GIPC1: variants seen among roughly 807,000 people sequenced by gnomAD.
GIPC1 encodes the protein GIPC PDZ domain containing family member 1.
A neutral mutation model predicts 28.5 loss-of-function variants in GIPC1; 15 were observed. That is an observed-to-expected ratio of 0.53 (90% CI 0.35 to 0.81). The LOEUF is 0.81. GIPC1 is among the 30% of genes least tolerant of loss of function. The pLI is 0.01. For missense variants in GIPC1, 439 were observed against 481.9 expected (o/e 0.91, Z 0.83); for synonymous variants, 224 against 206.1 (o/e 1.09, Z -0.74).
At chr19:14,489,112 C>T (rs557048168) in intron 3 of GIPC1, among the ~76,000 whole-genome samples, 2 of 151,826 alleles carry the variant, frequency 1.3e-5, no homozygotes, top group East Asian at 3.9e-4. Flanking sequence ...TTTGTAGAGA[C>T]GGGTCTCACT....
intron 3 of GIPC1, among the ~76,000 whole-genome samples, chr19:14,484,659 T>C (rs985227220): frequency 3.3e-5 from 5 of 151,852 alleles, no homozygotes; most frequent in African/African-American, 1.2e-4. Context: ...GGCAGGAGAA[T>C]TGCCTGAAAC....
At chr19:14,481,271 T>C (rs750522795) in intron 4 of GIPC1, among the ~76,000 whole-genome samples, 1 of 152,020 alleles carries the variant, frequency 6.6e-6, no homozygotes, top group Non-Finnish European at 1.5e-5. Context: ...CACACCCACA[T>C]AGTTAAAATA....
intron 3 of GIPC1, among the ~76,000 whole-genome samples, chr19:14,486,414 G>A (rs1405243491): frequency 6.6e-6 from 1 of 152,118 alleles, no homozygotes; most frequent in Non-Finnish European, 1.5e-5. Flanking sequence ...GATTATTTCT[G>A]GCAAATAGGT....
intron 4 of GIPC1, among the ~76,000 whole-genome samples, chr19:14,481,096 A>G (rs958313056): frequency 3.9e-5 from 6 of 152,064 alleles, no homozygotes; most frequent in African/African-American, 1.4e-4. Flanking sequence ...CAGCCTCCCA[A>G]GTAGCTGGAA....
chr19:14,485,716 G>T (rs1382557961), intron 3 of GIPC1, among the ~76,000 whole-genome samples: 191 of 67,454 alleles, frequency 2.8e-3, no homozygotes, highest in Admixed American at 3.4e-3. Context: ...GAGAGAGAGA[G>T]AGAGAGAGAG....
At chr19:14,480,904 C>CTAATG in intron 4 of GIPC1, 126 bp from the exon 5 acceptor site, 1 of 681,576 alleles carries the variant, frequency 1.5e-6, no homozygotes, top group Non-Finnish European at 2.5e-6. Context: ...TCATCACCCA[C>CTAATG]TGAGCCTGAG....
At chr19:14,484,220 T>C (rs952122810) in intron 3 of GIPC1, among the ~76,000 whole-genome samples, 18 of 151,060 alleles carry the variant, frequency 1.2e-4, no homozygotes, top group Admixed American at 5.9e-4. Context: ...CTGCAATCTC[T>C]TGCCTCCCGG....
At chr19:14,483,378 C>A (rs373843897) in intron 3 of GIPC1, 2 of 184,546 alleles carry the variant, frequency 1.1e-5, no homozygotes, top group Non-Finnish European at 2.3e-5. Flanking sequence ...ATAGCTTGAA[C>A]TGGAGAGGTG....
chr19:14,495,579 G>A (rs1384857848), intron 1 of GIPC1, among the ~76,000 whole-genome samples: 2 of 152,084 alleles, frequency 1.3e-5, no homozygotes, highest in Non-Finnish European at 2.9e-5. Flanking sequence ...TGCCTGACAC[G>A]GAAGCTCTCC....
In GIPC1 at chr19:14,482,876, G is replaced by A. The variant is rs62122612; in HGVS notation, c.101C>T (p.Pro34Leu). The A allele has an allele frequency of 6.3e-7, 1 of 1,584,520 alleles. No individual in the cohort carries two copies. The highest frequency in any genetic ancestry group is 8.6e-7 in the Non-Finnish European group (1 of 1,165,828). Reference protein sequence around the residue: ...RGGLGVGEPGPLGGGGSGGPQ... With the variant: ...RGGLGVGEPGLLGGGGSGGPQ... ...GCCCCCCGACCCACCTCCGCCCAGAGGCCCTGGCTCCCCCACGCCCAGCCC... is the reference window on the plus strand; with the variant it reads ...GCCCCCCGACCCACCTCCGCCCAGAAGCCCTGGCTCCCCCACGCCCAGCCC... The change falls in exon 4 of 9, where the codon CCT (proline) becomes CTT (leucine). Residue 34 changes from proline to leucine, a missense_variant. Coordinates refer to ENST00000393033, the MANE Select transcript of GIPC1 (RefSeq NM_005716.4).
Position 14,478,406 on chromosome 19 carries a change from G to A in GIPC1, c.*10C>T, listed in dbSNP as rs771552530. ...CGCCCGGGTCATCATCGCAGGGTCC[G>A]GGGGCAGTCCTAGTAGCGGCCGACC... On this transcript the variant is annotated 3_prime_UTR_variant, in exon 9 of 9. Coordinates refer to ENST00000393033, the MANE Select transcript of GIPC1 (RefSeq NM_005716.4). This position sits in a 1 kb window ranked among gnomAD's most constrained non-coding sequence, Gnocchi z 5.2. The A allele has an allele frequency of 1.4e-5, 23 of 1,600,968 alleles. No individual in the cohort carries two copies. Among genetic ancestry groups the A allele is most frequent in the East Asian group, 1.4e-4 (6 of 44,376 alleles).
At chr19:14,489,387 C>T (rs756937071) in intron 3 of GIPC1, 10 of 787,736 alleles carry the variant, frequency 1.3e-5, no homozygotes, top group Non-Finnish European at 1.4e-5. Context: ...GAGTATACAC[C>T]ATGAGCAAAG....
Position 14,478,827 on chromosome 19 carries a change from C to T in GIPC1, c.769-62G>A, listed in dbSNP as rs560435472. 75 of 1,214,488 alleles carry T rather than the reference C, an allele frequency of 6.2e-5. No homozygotes were observed. Among genetic ancestry groups the T allele is most frequent in the African/African-American group, 5.6e-4 (38 of 67,308 alleles). The allele number at this position is 1,214,488 out of a possible 1,614,324, so 75.2% of individuals were successfully genotyped here. A position where few individuals can be genotyped will look rare whatever the true frequency, so the allele number is the denominator to read the frequency against. On this transcript the variant is annotated intron_variant, in intron 7 of 8. Coordinates refer to ENST00000393033, the MANE Select transcript of GIPC1 (RefSeq NM_005716.4). This position sits in a 1 kb window ranked among gnomAD's most constrained non-coding sequence, Gnocchi z 5.2. ...AATGTGAATATACATAGTAATTGGACGGACTGCCATTGTCACCACTTTACA... is the reference window on the plus strand; with the variant it reads ...AATGTGAATATACATAGTAATTGGATGGACTGCCATTGTCACCACTTTACA...
chr19:14,478,218 C>G lies in GIPC1; in HGVS notation c.*198G>C, dbSNP rs571113547. The G allele has an allele frequency of 1.1e-4, 60 of 561,342 alleles. No homozygotes were observed. The highest frequency in any genetic ancestry group is 1.7e-4 in the Non-Finnish European group (55 of 325,406). The allele number at this position is 561,342 out of a possible 1,614,324, so 34.8% of individuals were successfully genotyped here. A position where few individuals can be genotyped will look rare whatever the true frequency, so the allele number is the denominator to read the frequency against. On this transcript the variant is annotated 3_prime_UTR_variant, in exon 9 of 9. Transcript: ENST00000393033. This position sits in a 1 kb window ranked among gnomAD's most constrained non-coding sequence, Gnocchi z 5.2. ...AACAGGGCACAGGGGGGCCGGGGAC[C>G]CCGGCCAGACTGGGAACCAGGGAGG...
Position 14,492,113 on chromosome 19 carries a change from G to A in GIPC1, c.-118-370C>T, listed in dbSNP as rs558792557. Among the ~76,000 whole-genome samples, 35 of 151,992 alleles carry A rather than the reference G, an allele frequency of 2.3e-4. 1 individual carries two copies. Among genetic ancestry groups the A allele is most frequent in the African/African-American group, 6.5e-4 (27 of 41,468 alleles). On this transcript the variant is annotated intron_variant, in intron 2 of 8. Coordinates refer to ENST00000393033, the MANE Select transcript of GIPC1 (RefSeq NM_005716.4). ...GACCCCTCATCATCCCTCCAATTCC[G>A]CCAGCTCTACGCACTGGGAGGCAGG...
chr19:14,480,338 T>C lies in GIPC1; in HGVS notation c.622A>G (p.Thr208Ala), dbSNP rs2071698632. 6.2e-7 allele frequency: 1 copy of C among 1,611,814 alleles called. No individual in the cohort carries two copies. Residue 208 changes from threonine (T) to alanine (A), a missense_variant, in exon 6 of 9, where the codon ACG becomes GCG. By Grantham distance (58) the Thr-to-Ala change is moderately conservative. Transcript: ENST00000393033. ...TTGCGAGGCTCCGTGAGCTTCAGCG[T>C]GAAGGTACGGCCTCGGGGCAGCTCC... Reference protein sequence around the residue: ...LKELPRGRTFTLKLTEPRKAF... With the variant: ...LKELPRGRTFALKLTEPRKAF...
chr19:14,489,151 G>A (rs558178210), intron 3 of GIPC1, among the ~76,000 whole-genome samples: 2 of 152,142 alleles, frequency 1.3e-5, no homozygotes, highest in East Asian at 3.9e-4. Flanking sequence ...CTGAACTCCT[G>A]GGCTCAAGCA....
chr19:14,478,577 G>A lies in GIPC1; in HGVS notation c.851-10C>T. ...TCCACCATGGTGGCCGCTATTGGGG[G>A]AGGGGTCAGAACGGAGGCACAAATG... is the stretch of plus-strand genomic sequence containing the variant. On this transcript the variant is annotated splice_polypyrimidine_tract_variant and intron_variant, in intron 8 of 8. Coordinates refer to ENST00000393033, the MANE Select transcript of GIPC1 (RefSeq NM_005716.4). The surrounding 1 kb of genome is among the most constrained non-coding windows in gnomAD (Gnocchi z 5.2). 6.2e-7 allele frequency: 1 copy of A among 1,613,938 alleles called. No individual in the cohort carries two copies. Among genetic ancestry groups the A allele is most frequent in the Non-Finnish European group, 8.5e-7 (1 of 1,179,924 alleles).
chr19:14,488,595 T>C (rs1426045563), intron 3 of GIPC1, among the ~76,000 whole-genome samples: 1 of 151,614 alleles, frequency 6.6e-6, no homozygotes, highest in African/African-American at 2.4e-5. Flanking sequence ...CTACTAAAAA[T>C]ACAAAAATTA....
Sources: gnomAD v4.1 joint callset for allele counts (sites outside exome capture counted in the v4.1 genomes callset) on GRCh38, gnomAD v4.1.1 for gene constraint, Gnocchi (gnomAD v3.1) non-coding constraint, MANE v1.5 for transcripts, NCBI Gene and HGNC (gene_info 2026-07-23, HGNC 2026-07-21) for gene names.